PAK3: variants seen among roughly 807,000 people sequenced by gnomAD.
PAK3 encodes p21 (RAC1) activated kinase 3.
Under a neutral mutation model 41.0 loss-of-function variants are expected in PAK3, and 4 were observed. That is an observed-to-expected ratio of 0.10 (90% CI 0.05 to 0.22). The LOEUF (loss-of-function observed/expected upper bound fraction) is 0.22, where lower values mean the gene tolerates loss of function less well. Ranked by LOEUF, PAK3 falls within the 10% of genes least tolerant of loss-of-function variation. The pLI is 1.00. For missense variants in PAK3, 205 were observed against 409.9 expected (o/e 0.50, Z 4.32); for synonymous variants, 146 against 139.6 (o/e 1.05, Z -0.32).
intron 1 of PAK3, among the ~76,000 whole-genome samples, chrX:111,087,711 C>A (rs2092899157): frequency 1.0e-5 from 1 of 96,695 alleles, no homozygotes; most frequent in African/African-American, 3.9e-5. Flanking sequence ...AGGGGATGTT[C>A]ATTACCAGAA....
intron 16 of PAK3, among the ~76,000 whole-genome samples, chrX:111,214,094 G>A (rs2094850196): frequency 8.9e-6 from 1 of 111,901 alleles, no homozygotes; most frequent in South Asian, 3.7e-4. Flanking sequence ...GTATTTACAT[G>A]TGGGTTTTTA....
intron 11 of PAK3, among the ~76,000 whole-genome samples, chrX:111,178,980 T>TATATATATAGAGAGAGAGAG (rs1211051270): frequency 7.6e-5 from 7 of 91,596 alleles, no homozygotes; most frequent in African/African-American, 2.0e-4. Flanking sequence ...TATATATATA[T>TATATATATAGAGAGAGAGAG]AGAGAGAGAG....
intron 1 of PAK3, among the ~76,000 whole-genome samples, chrX:110,951,411 G>A (rs1356947786): frequency 8.9e-6 from 1 of 112,238 alleles, no homozygotes; most frequent in African/African-American, 3.2e-5. Flanking sequence ...GTCATATACA[G>A]TTGGCTCATT....
intron 4 of PAK3, among the ~76,000 whole-genome samples, chrX:111,119,124 T>C (rs780704676): frequency 9.0e-6 from 1 of 111,334 alleles, no homozygotes; most frequent in African/African-American, 3.3e-5. Flanking sequence ...TAATCTCTCC[T>C]AGTACTCTGA....
chrX:111,094,080 CT>C (rs1181572577), upstream of PAK3, among the ~76,000 whole-genome samples: 510 of 100,607 alleles, frequency 5.1e-3, 1 homozygote, highest in Non-Finnish European at 5.9e-3. Flanking sequence ...GATGTGGTTG[CT>C]TTTTTTTTTT....
chrX:110,970,744 C>A (rs2091190914), intron 1 of PAK3, among the ~76,000 whole-genome samples: 1 of 111,796 alleles, frequency 8.9e-6, no homozygotes, highest in African/African-American at 3.3e-5. Flanking sequence ...GCAAATGTAT[C>A]CCAGAACTTA....
At chrX:110,985,290 T>C (rs2091521928) in intron 1 of PAK3, among the ~76,000 whole-genome samples, 1 of 111,111 alleles carries the variant, frequency 9.0e-6, no homozygotes, top group South Asian at 3.9e-4. Context: ...ACACTGATTT[T>C]CTGTCCCTTG....
chrX:111,183,214 G>A (rs1468275600), intron 11 of PAK3, among the ~76,000 whole-genome samples: 1 of 111,742 alleles, frequency 8.9e-6, no homozygotes. Flanking sequence ...TTTGCAAAGT[G>A]AGGAAAATCT....
intron 3 of PAK3, among the ~76,000 whole-genome samples, chrX:111,102,297 G>GGGTA: frequency 9.0e-6 from 1 of 111,595 alleles, no homozygotes; most frequent in Non-Finnish European, 1.9e-5. Context: ...GGGAAAAATA[G>GGGTA]GGTAAATTAT....
At chrX:110,975,043 C>T (rs1034114185) in intron 1 of PAK3, among the ~76,000 whole-genome samples, 1 of 112,082 alleles carries the variant, frequency 8.9e-6, no homozygotes, top group African/African-American at 3.2e-5. Flanking sequence ...GCCTTGAAAA[C>T]TGGCACAAGG....
At chrX:111,184,521 G>C (rs1603363030) in intron 11 of PAK3, among the ~76,000 whole-genome samples, 1 of 109,629 alleles carries the variant, frequency 9.1e-6, no homozygotes. Flanking sequence ...ATCTACGTTA[G>C]GTATTTGTCC....
intron 1 of PAK3, among the ~76,000 whole-genome samples, chrX:110,969,094 A>ATTTTTTTTTTTTTTTTTTTTTTT (rs60724970): frequency 2.5e-5 from 1 of 40,612 alleles, no homozygotes; most frequent in Non-Finnish European, 4.0e-5. Context: ...GACCTGCCTA[A>ATTTTTTTTTTTTTTTTTTTTTTT]TTTTTTTTTT....
At chrX:111,188,930 T>C (rs2094537305) in intron 11 of PAK3, among the ~76,000 whole-genome samples, 1 of 112,118 alleles carries the variant, frequency 8.9e-6, no homozygotes, top group African/African-American at 3.2e-5. Flanking sequence ...TATTTTTAAA[T>C]TTTATTTTAG....
In PAK3 at chrX:111,086,061, TTGTGTGTG is replaced by T. The variant is rs754802946; in HGVS notation, c.-27-36993_-27-36986del. Among the ~76,000 whole-genome samples the T allele has an allele frequency of 2.8e-3, 228 of 81,753 alleles. 4 individuals are homozygous for T. The highest frequency in any genetic ancestry group is 8.6e-3 in the African/African-American group (194 of 22,534). 71.0% of individuals were successfully genotyped at this position (81,753 alleles called of 115,157 possible). Reference sequence around the variant, plus strand: ...GTAGAGAGAAGACTGTGATGTCAGCTTGTGTGTGTGTGTGTGTGTGTGTGTGTGTGCAT... The same window carrying T: ...GTAGAGAGAAGACTGTGATGTCAGCTTGTGTGTGTGTGTGTGTGTGTGCAT... On this transcript the variant is annotated intron_variant, in intron 1 of 14. Transcript: ENST00000425146.
intron 1 of PAK3, among the ~76,000 whole-genome samples, chrX:110,946,017 T>C (rs1227929700): frequency 3.6e-5 from 4 of 111,532 alleles, no homozygotes; most frequent in Non-Finnish European, 1.9e-5. Context: ...GAGTGCACAA[T>C]CTGGTAGGCA....
intron 5 of PAK3, among the ~76,000 whole-genome samples, chrX:111,127,303 TG>T (rs1444757797): frequency 8.9e-6 from 1 of 111,782 alleles, no homozygotes; most frequent in Non-Finnish European, 1.9e-5. Context: ...AATTTCACAA[TG>T]TCTTTTTCAT....
At chrX:110,960,686 A>G (rs779970073) in intron 1 of PAK3, among the ~76,000 whole-genome samples, 1 of 111,000 alleles carries the variant, frequency 9.0e-6, no homozygotes, top group Non-Finnish European at 1.9e-5. Context: ...TTTTATTTGA[A>G]GTTTCCTTGA....
intron 1 of PAK3, among the ~76,000 whole-genome samples, chrX:110,959,040 C>A (rs1371686264): frequency 8.9e-6 from 1 of 111,991 alleles, no homozygotes; most frequent in African/African-American, 3.2e-5. Flanking sequence ...ATAACTCCTG[C>A]CATATGAGCA....
chrX:111,141,746 G>T (rs1361705630), intron 5 of PAK3, among the ~76,000 whole-genome samples: 1 of 111,988 alleles, frequency 8.9e-6, no homozygotes, highest in Non-Finnish European at 1.9e-5. Context: ...AGCTTGACTT[G>T]TATATGATGA....
Sources: allele counts gnomAD v4.1 joint callset (sites outside exome capture counted in the v4.1 genomes callset), GRCh38; gene constraint gnomAD v4.1.1; transcripts MANE v1.5; gene names NCBI Gene and HGNC (gene_info 2026-07-23, HGNC 2026-07-21).